The following SERHL2 variants were observed in gnomAD, a reference collection of about 807,000 sequenced individuals.
The protein encoded by SERHL2 is serine hydrolase-like protein 2.
A neutral mutation model predicts 25.5 loss-of-function variants in SERHL2; 29 were observed. The observed-to-expected ratio is 1.14, with a 90% confidence interval of 0.85 to 1.55. The LOEUF (loss-of-function observed/expected upper bound fraction) is 1.55. SERHL2 is among the 40% of genes most tolerant of loss of function. SERHL2 has a pLI of 0.00. For synonymous variants in SERHL2, 95 were observed against 103.5 expected, an observed-to-expected ratio of 0.92 and a Z score of 0.50; for missense variants, 240 against 252.3, an observed-to-expected ratio of 0.95 and a Z score of 0.33.
intron 10 of SERHL2, 34 bp downstream of exon 10, chr22:42,571,237 C>G (rs1205196257): frequency 6.2e-7 from 1 of 1,606,976 alleles, no homozygotes; most frequent in African/African-American, 1.3e-5. Context: ...AGCCACCCGC[C>G]AAGGAGACAT....
chr22:42,568,059 C>T (rs1391249471), intron 9 of SERHL2, among the ~76,000 whole-genome samples: 1 of 151,926 alleles, frequency 6.6e-6, no homozygotes, highest in Non-Finnish European at 1.5e-5. Flanking sequence ...GGGTCTCCCT[C>T]TGTCACCCGG....
Position 42,566,333 on chromosome 22 carries a change from G to T in SERHL2, c.643G>T (p.Ala215Ser). 1.2e-6 allele frequency: 2 copies of T among 1,611,696 alleles called. No homozygotes were observed. The highest frequency in any genetic ancestry group is 1.7e-4 in the Middle Eastern group (1 of 5,932). Residue 215 changes from alanine (A) to serine (S), a missense_variant, in exon 9 of 12, where the codon GCC (alanine) becomes TCC (serine). By Grantham distance (99) the Ala-to-Ser change is moderately conservative. Transcript: ENST00000327678. ...GGTTCTGAACAGAGACCAGAGGCTC[G>T]CCTGGGTGAGTACCACTGCCTCCGG... ...GLVLNRDQRLAWAENSIDFIS... is the reference protein window; with the variant it reads ...GLVLNRDQRLSWAENSIDFIS...
chr22:42,563,099 G>A (rs1479248572), intron 8 of SERHL2, among the ~76,000 whole-genome samples: 1 of 151,934 alleles, frequency 6.6e-6, no homozygotes, highest in Non-Finnish European at 1.5e-5. Flanking sequence ...AGGCTGAAGT[G>A]GGAGACTCAC....
At chr22:42,560,360 G>A (rs1746124608) in intron 8 of SERHL2, 95 bp downstream of exon 8, 7 of 905,160 alleles carry the variant, frequency 7.7e-6, no homozygotes, top group Admixed American at 5.7e-5. Flanking sequence ...GATACTAAGC[G>A]CTTTGCAAAC....
intron 8 of SERHL2, among the ~76,000 whole-genome samples, chr22:42,564,505 C>T (rs1344995280): frequency 6.6e-6 from 1 of 151,428 alleles, no homozygotes; most frequent in Admixed American, 6.6e-5. Context: ...AATCTCGGCT[C>T]ACCGCAACCT....
At chr22:42,562,912 T>G (rs1206836260) in intron 8 of SERHL2, among the ~76,000 whole-genome samples, 1 of 151,990 alleles carries the variant, frequency 6.6e-6, no homozygotes, top group Non-Finnish European at 1.5e-5. Flanking sequence ...GTCTGGCCCC[T>G]GGCCAAGCGT....
chr22:42,560,595 C>CTG (rs1922567328), intron 8 of SERHL2, among the ~76,000 whole-genome samples: 1 of 151,938 alleles, frequency 6.6e-6, no homozygotes, highest in Non-Finnish European at 1.5e-5. Flanking sequence ...CAGAGGCAGG[C>CTG]TGTGAGGACG....
At position 42,554,272 on chromosome 22, in the gene SERHL2, A is replaced by T. The variant is rs555578278; in HGVS notation, c.22+230A>T. On this transcript the variant is annotated intron_variant, in intron 1 of 11. Coordinates refer to ENST00000327678, the MANE Select transcript of SERHL2 (RefSeq NM_014509.5). ...GTTCCAGGAGCCCCTGAGTTAGCCG[A>T]GCGTGCGCGTGGGTGTCGGGGGTGC... Among the ~76,000 whole-genome samples the T allele has an allele frequency of 5.9e-5, 9 of 151,368 alleles. No homozygotes were observed. In the East Asian group the frequency reaches 1.8e-3, roughly 30 times the overall value.
At chr22:42,570,629 G>T (rs988557182) in intron 9 of SERHL2, among the ~76,000 whole-genome samples, 1 of 150,738 alleles carries the variant, frequency 6.6e-6, no homozygotes. Flanking sequence ...GCAGGGCCGC[G>T]GAGGAGGCCG....
At position 42,572,536 on chromosome 22, in the gene SERHL2, C is replaced by T. The variant is rs189406261; in HGVS notation, c.825+7C>T. On this transcript the variant is annotated splice_region_variant and intron_variant, in intron 11 of 11. Coordinates refer to ENST00000327678, the MANE Select transcript of SERHL2 (RefSeq NM_014509.5). The stretch of plus-strand genomic sequence containing the variant: ...GAAATCCACCCTCAAAGAGGTAAGA[C>T]GGGGCTCAGGCAGCTGGTGTCCAGC... 121 of 1,611,134 alleles carry T rather than the reference C, an allele frequency of 7.5e-5. 1 individual carries two copies. The African/African-American group carries it at 1.0e-3, about 14-fold the overall frequency.
At chr22:42,566,974 T>G (rs1173539157) in intron 9 of SERHL2, among the ~76,000 whole-genome samples, 1 of 151,882 alleles carries the variant, frequency 6.6e-6, no homozygotes, top group African/African-American at 2.4e-5. Context: ...TTCGCTCAGC[T>G]GGTTTATGAG....
chr22:42,560,386 C>T (rs1922538591), intron 8 of SERHL2, 121 bp downstream of exon 8: 2 of 711,780 alleles, frequency 2.8e-6, no homozygotes, highest in Non-Finnish European at 5.0e-6. Flanking sequence ...CTCACTGAAT[C>T]CCCCTCCTGC....
intron 8 of SERHL2, among the ~76,000 whole-genome samples, chr22:42,563,011 T>C (rs952065346): frequency 2.6e-5 from 4 of 151,624 alleles, no homozygotes; most frequent in African/African-American, 9.7e-5. Flanking sequence ...CTGGGCAATA[T>C]AGGGAGACAC....
At chr22:42,562,789 G>A (rs779956176) in intron 8 of SERHL2, among the ~76,000 whole-genome samples, 36 of 151,906 alleles carry the variant, frequency 2.4e-4, no homozygotes, top group Non-Finnish European at 3.5e-4. Flanking sequence ...TCTCATCTAA[G>A]TTTAAGCCCC....
intron 8 of SERHL2, among the ~76,000 whole-genome samples, chr22:42,563,748 A>T (rs377764791): frequency 6.6e-6 from 1 of 151,980 alleles, no homozygotes; most frequent in Non-Finnish European, 1.5e-5. Flanking sequence ...CAGAAGGGCT[A>T]TTATTTTAAA....
At chr22:42,560,932 C>T (rs12158374) in intron 8 of SERHL2, among the ~76,000 whole-genome samples, 9,127 of 151,632 alleles carry the variant, frequency 0.06, 883 homozygotes, top group African/African-American at 0.2. Flanking sequence ...CTGCTACAGG[C>T]CCGGCTCAGT....
At chr22:42,567,806 C>T (rs890612119) in intron 9 of SERHL2, among the ~76,000 whole-genome samples, 10 of 151,836 alleles carry the variant, frequency 6.6e-5, no homozygotes, top group Non-Finnish European at 8.8e-5. Context: ...TCTCAGCTCA[C>T]GGCAACCTTT....
rs760886455 is a variant in SERHL2, at chr22:42,566,287, T to G, written c.614-17T>G. On this transcript the variant is annotated splice_polypyrimidine_tract_variant and intron_variant, in intron 8 of 11. Coordinates refer to ENST00000327678, the MANE Select transcript of SERHL2 (RefSeq NM_014509.5). Reference sequence around the variant, plus strand: ...TGGACAGCATTGACGCTGCTGTCTTTGTGCTTCCGCCTCCAGGTCTGGTTC... The same window carrying G: ...TGGACAGCATTGACGCTGCTGTCTTGGTGCTTCCGCCTCCAGGTCTGGTTC... 1.9e-6 allele frequency: 3 copies of G among 1,610,942 alleles called. No individual in the cohort carries two copies. Among genetic ancestry groups the G allele is most frequent in the African/African-American group, 1.3e-5 (1 of 75,038 alleles).
chr22:42,567,217 G>A (rs898430609), intron 9 of SERHL2, among the ~76,000 whole-genome samples: 1 of 152,062 alleles, frequency 6.6e-6, no homozygotes, highest in African/African-American at 2.4e-5. Context: ...TGCTGCCCAG[G>A]CCCAGGCCAA....
Sources: gnomAD v4.1 joint callset for allele counts (sites outside exome capture counted in the v4.1 genomes callset) on GRCh38, gnomAD v4.1.1 for gene constraint, MANE v1.5 for transcripts, NCBI Gene and HGNC (gene_info 2026-07-23, HGNC 2026-07-21) for gene names.